The following ROBO2 variants were observed in gnomAD, a reference collection of about 807,000 sequenced individuals.
ROBO2 encodes roundabout homolog 2.
A neutral mutation model predicts 160.8 loss-of-function variants in ROBO2; 53 were observed. The observed-to-expected ratio is 0.33, with a 90% CI of 0.26 to 0.41. The LOEUF is 0.41. ROBO2 is among the 10% of genes least tolerant of loss of function. ROBO2 has a pLI of 1.00. For synonymous variants in ROBO2, 664 were observed against 611.7 expected (o/e 1.09, Z -1.26); for missense variants, 1,577 against 1,722.4 (o/e 0.92, Z 1.49).
chr3:76,248,649 GAAAA>G (rs946518595), intron 2 of ROBO2, among the ~76,000 whole-genome samples: 2 of 123,450 alleles, frequency 1.6e-5, no homozygotes, highest in Non-Finnish European at 3.3e-5. Context: ...AATAATAAAA[GAAAA>G]AAAACTTAAA....
intron 2 of ROBO2, among the ~76,000 whole-genome samples, chr3:76,593,702 G>A (rs1392814238): frequency 2.0e-5 from 3 of 151,976 alleles, no homozygotes. Flanking sequence ...TGTAGGTAAT[G>A]TTTAGAGAAG....
intron 2 of ROBO2, among the ~76,000 whole-genome samples, chr3:76,004,018 A>G (rs1413103800): frequency 1.3e-5 from 2 of 152,168 alleles, no homozygotes; most frequent in Non-Finnish European, 2.9e-5. Context: ...TTAAATATAA[A>G]TCTATCATAT....
intron 2 of ROBO2, among the ~76,000 whole-genome samples, chr3:76,685,140 C>T (rs1360193985): frequency 6.6e-6 from 1 of 151,272 alleles, no homozygotes; most frequent in African/African-American, 2.4e-5. Context: ...ATAGACCACC[C>T]AGCCCTTTGT....
At chr3:76,119,959 TTCC>T (rs2070674330) in intron 2 of ROBO2, among the ~76,000 whole-genome samples, 1 of 139,984 alleles carries the variant, frequency 7.1e-6, no homozygotes, top group Non-Finnish European at 1.5e-5. Context: ...CCTTCCTTCC[TTCC>T]TTCCTTCCTT....
intron 2 of ROBO2, among the ~76,000 whole-genome samples, chr3:76,225,174 AC>A (rs767298543): frequency 6.6e-6 from 1 of 152,180 alleles, no homozygotes; most frequent in Non-Finnish European, 1.5e-5. Flanking sequence ...AGGGTCTATA[AC>A]AAAAACAGTG....
rs114583124 is a variant in ROBO2 at position 75,978,955 on chromosome 3, C to T, written c.109+41353C>T. On this transcript the variant is annotated intron_variant, in intron 2 of 26. Coordinates refer to the ROBO2 transcript ENST00000487694. ...TCTCCCTCCACCATGAGATCATACC[C>T]GGGTTAGTATTCTAAAGAATGAGAA... 1.6e-3 allele frequency among the ~76,000 whole-genome samples: 239 copies of T among 151,390 alleles called. 3 individuals are homozygous for T. Among genetic ancestry groups the T allele is most frequent in the African/African-American group, 5.3e-3 (218 of 41,396 alleles).
chr3:76,555,358 G>GAGA (rs58339602), intron 2 of ROBO2, among the ~76,000 whole-genome samples: 1,136 of 57,910 alleles, frequency 0.02, 44 homozygotes, highest in African/African-American at 0.054. Context: ...AGTAGGAAGA[G>GAGA]AGAAGAAGAA....
At chr3:77,174,324 G>T (rs1304506337) in intron 2 of ROBO2, among the ~76,000 whole-genome samples, 1 of 151,160 alleles carries the variant, frequency 6.6e-6, no homozygotes, top group African/African-American at 2.4e-5. Context: ...TGAGATTTTA[G>T]AATATATAAA....
At chr3:77,147,925 A>G (rs1295019388) in intron 2 of ROBO2, among the ~76,000 whole-genome samples, 2 of 152,164 alleles carry the variant, frequency 1.3e-5, no homozygotes, top group African/African-American at 4.8e-5. Flanking sequence ...AATTTGGGGG[A>G]TACCTTGAAG....
intron 2 of ROBO2, among the ~76,000 whole-genome samples, chr3:76,157,262 A>C (rs17013887): frequency 0.04 from 6,097 of 152,198 alleles, 297 homozygotes; most frequent in African/African-American, 0.12. Context: ...TTTCAGTTCA[A>C]ACTTTTCTGA....
intron 2 of ROBO2, among the ~76,000 whole-genome samples, chr3:76,026,649 A>G (rs2066756588): frequency 6.6e-6 from 1 of 152,002 alleles, no homozygotes; most frequent in African/African-American, 2.4e-5. Flanking sequence ...ACAAAAGTAC[A>G]TGTTCTTACA....
At position 76,133,725 on chromosome 3, in the gene ROBO2, G is replaced by T. The variant is rs150820601; in HGVS notation, c.109+196123G>T. Among the ~76,000 whole-genome samples, 502 of 152,226 alleles carry T rather than the reference G, an allele frequency of 3.3e-3. 1 individual carries two copies. The highest frequency in any genetic ancestry group is 5.1e-3 in the Non-Finnish European group (348 of 68,014). ...TTCGAAGGCAGGAAGCACCCAGCAT[G>T]GGAGAAAGATGGAGGTCAGAAGGCC... On this transcript the variant is annotated intron_variant, in intron 2 of 26. Coordinates refer to the ROBO2 transcript ENST00000487694.
At chr3:77,120,269 TAA>T (rs1180454000) in intron 2 of ROBO2, among the ~76,000 whole-genome samples, 2 of 152,202 alleles carry the variant, frequency 1.3e-5, no homozygotes, top group Admixed American at 6.5e-5. Flanking sequence ...GGCAAAGAAC[TAA>T]GTCAATGATG....
At chr3:77,440,043 A>G (rs916659881) in intron 2 of ROBO2, among the ~76,000 whole-genome samples, 2 of 152,220 alleles carry the variant, frequency 1.3e-5, no homozygotes, top group Admixed American at 1.3e-4. Flanking sequence ...GAAGATAGTT[A>G]TTATATATAT....
intron 2 of ROBO2, among the ~76,000 whole-genome samples, chr3:76,623,842 G>A (rs1191287649): frequency 6.6e-6 from 1 of 152,128 alleles, no homozygotes; most frequent in Admixed American, 6.5e-5. Flanking sequence ...GTCAAGTTTA[G>A]GGGATTTTCA....
intron 8 of ROBO2, among the ~76,000 whole-genome samples, chr3:77,554,856 A>G (rs1477310877): frequency 6.6e-6 from 1 of 152,034 alleles, no homozygotes; most frequent in Non-Finnish European, 1.5e-5. Context: ...AACTTAATTG[A>G]TAAAGCAACA....
chr3:77,044,510 A>C (rs2064434187), intron 1 of ROBO2, among the ~76,000 whole-genome samples: 1 of 150,442 alleles, frequency 6.6e-6, no homozygotes, highest in African/African-American at 2.5e-5. Flanking sequence ...TCTTCTTCTC[A>C]TTCATCGTCT....
At chr3:76,047,050 A>T (rs2067476788) in intron 2 of ROBO2, among the ~76,000 whole-genome samples, 1 of 152,192 alleles carries the variant, frequency 6.6e-6, no homozygotes, top group Non-Finnish European at 1.5e-5. Flanking sequence ...TTTGGAACAG[A>T]AGTGATATAT....
At chr3:77,293,651 C>A (rs1183228284) in intron 2 of ROBO2, among the ~76,000 whole-genome samples, 1 of 139,756 alleles carries the variant, frequency 7.2e-6, no homozygotes, top group African/African-American at 2.9e-5. Context: ...GAGGCTAGAT[C>A]ACCCAGACAT....
Sources: gnomAD v4.1 joint callset for allele counts (sites outside exome capture counted in the v4.1 genomes callset) on GRCh38, gnomAD v4.1.1 for gene constraint, MANE v1.5 for transcripts, NCBI Gene and HGNC (gene_info 2026-07-23, HGNC 2026-07-21) for gene names.